Variants in LMBR1L observed in about 807,000 individuals in gnomAD.
LMBR1L encodes limb development membrane protein 1 like, also known as protein LMBR1L.
LMBR1L carries 47 observed loss-of-function variants against 67.3 expected under a neutral mutation model. The observed-to-expected ratio is 0.70, with a 90% CI of 0.55 to 0.89. The LOEUF (loss-of-function observed/expected upper bound fraction) is 0.89. Ranked by LOEUF, LMBR1L falls within the 40% of genes least tolerant of loss-of-function variation. LMBR1L has a pLI of 0.00. For missense variants in LMBR1L, 533 were observed against 599.2 expected (o/e 0.89, Z 1.15); for synonymous variants, 247 against 250.3 (o/e 0.99, Z 0.13).
intron 2 of LMBR1L, chr12:49,106,706 G>GTCTACCTACTCCATTGT: frequency 9.6e-7 from 1 of 1,043,324 alleles, no homozygotes; most frequent in Non-Finnish European, 1.4e-6. Flanking sequence ...TCCACACAAT[G>GTCTACCTACTCCATTGT]GAGTAGGTAG....
chr12:49,109,494 G>GGCT lies in LMBR1L; in HGVS notation c.72+987_72+989dup, dbSNP rs3837451. Among the ~76,000 whole-genome samples the GGCT allele has an allele frequency of 1.0e-3, 156 of 152,262 alleles. No homozygotes were observed. In the East Asian group the frequency reaches 0.028, roughly 28 times the overall value. On this transcript the variant is annotated intron_variant, in intron 1 of 16. Coordinates refer to ENST00000267102, the MANE Select transcript of LMBR1L (RefSeq NM_018113.4). ...CCCCTCCTCCAATCAGGCTGCCCAG[G>GGCT]GCTGGCTAGAGCCCAGCCTGAGAAA...
intron 2 of LMBR1L, chr12:49,106,510 C>T (rs1425540281): frequency 5.1e-6 from 6 of 1,176,352 alleles, no homozygotes; most frequent in African/African-American, 1.6e-5. Flanking sequence ...TCTGAGCATA[C>T]TCAGGCTCCC....
In LMBR1L at chr12:49,102,890, G is replaced by A; in HGVS notation, c.693C>T (p.Pro231=). 1 of 1,614,058 alleles carries A rather than the reference G, an allele frequency of 6.2e-7. No homozygotes were observed. The highest frequency in any genetic ancestry group is 8.5e-7 in the Non-Finnish European group (1 of 1,179,934). The change falls in exon 8 of 17, where the codon CCC becomes CCT. Residue 231 remains proline, a synonymous_variant. Transcript: ENST00000267102. The part of the protein sequence containing the change: ...FSVTGKLLVK[P]RLLEDLEEQL... ...AAGAGCAAGGAATACCACATACCCG[G>A]GGCTTGACTAGCAGCTTCCCAGTGA... is the stretch of plus-strand genomic sequence containing the variant.
In LMBR1L at chr12:49,105,923, C is replaced by G; in HGVS notation, c.191+1G>C. On this transcript the variant is annotated splice_donor_variant, in intron 3 of 16. Transcript: ENST00000267102. LOFTEE classifies it high-confidence loss of function. ...TTAGGTGCTGAGGCAGGGACACTTA[C>G]GCAATCTTGTTGACGGTGGCATCTT... 1.2e-6 allele frequency: 2 copies of G among 1,612,454 alleles called. No homozygotes were observed. Among genetic ancestry groups the G allele is most frequent in the Non-Finnish European group, 1.7e-6 (2 of 1,179,324 alleles).
At chr12:49,106,011 T>G in intron 2 of LMBR1L, 54 bp from the exon 3 acceptor site, 1 of 1,509,734 alleles carries the variant, frequency 6.6e-7, no homozygotes, top group Non-Finnish European at 9.2e-7. Context: ...GGGGCAGCTC[T>G]GAGGCCGTTA....
intron 2 of LMBR1L, 71 bp from the exon 3 acceptor site, chr12:49,106,028 C>T: frequency 1.5e-6 from 2 of 1,325,044 alleles, no homozygotes; most frequent in South Asian, 2.5e-5. Flanking sequence ...GTTAGTATTA[C>T]AATGTGCTCC....
At position 49,110,652 on chromosome 12, in the gene LMBR1L, G is replaced by A. The variant is rs566240015; in HGVS notation, c.-97C>T. 1.5e-3 allele frequency: 1,568 copies of A among 1,051,624 alleles called. 6 individuals carry two copies. Among genetic ancestry groups the A allele is most frequent in the South Asian group, 5.7e-3 (449 of 78,782 alleles). 65.1% of individuals were successfully genotyped at this position (1,051,624 alleles called of 1,614,324 possible). A position where few individuals can be genotyped will look rare whatever the true frequency, so the allele number is the denominator to read the frequency against. ...CGCCAAGCACCCAGACCCAGCCTAGGGGCCTTTCCTCGCAGCCTGCGACAG... is the reference window on the plus strand; with the variant it reads ...CGCCAAGCACCCAGACCCAGCCTAGAGGCCTTTCCTCGCAGCCTGCGACAG... On this transcript the variant is annotated 5_prime_UTR_variant, in exon 1 of 17. Transcript: ENST00000267102.
chr12:49,103,112 G>A lies in LMBR1L; in HGVS notation c.610C>T (p.Leu204Phe). The change falls in exon 7 of 17, where the codon CTT becomes TTT. Residue 204 changes from leucine (L) to phenylalanine (F), a missense_variant. Leu to Phe is a conservative substitution (Grantham distance 22). Coordinates refer to ENST00000267102, the MANE Select transcript of LMBR1L (RefSeq NM_018113.4). ...TCACCCAGGAGCAGCAGAACCCCAA[G>A]GAAGGAGATGCATGAGTAGAGGTAG... ...LPYLYSCISF[L>F]GVLLLLVCTP... The A allele has an allele frequency of 6.2e-7, 1 of 1,614,040 alleles. No individual in the cohort carries two copies. The highest frequency in any genetic ancestry group is 8.5e-7 in the Non-Finnish European group (1 of 1,179,962).
intron 13 of LMBR1L, chr12:49,100,962 C>G: frequency 1.7e-6 from 1 of 576,222 alleles, no homozygotes. Context: ...ATCCTAAACT[C>G]AAGCAATCTA....
rs369200808 is a variant in LMBR1L, at chr12:49,102,102, T to C, written c.930+18A>G. ...GTACTGAGGGTCCACTCCTCACCTCTAGGGCTGGTATACCTACCGTCAGCA... is the reference window on the plus strand; with the variant it reads ...GTACTGAGGGTCCACTCCTCACCTCCAGGGCTGGTATACCTACCGTCAGCA... On this transcript the variant is annotated intron_variant, in intron 11 of 16. Transcript: ENST00000267102. 2.0e-5 allele frequency: 33 copies of C among 1,612,384 alleles called. No homozygotes were observed. Among genetic ancestry groups the C allele is most frequent in the Non-Finnish European group, 2.5e-5 (29 of 1,178,582 alleles).
intron 10 of LMBR1L, 40 bp from the exon 11 acceptor site, chr12:49,102,236 C>G (rs756863745): frequency 6.2e-7 from 1 of 1,613,774 alleles, no homozygotes; most frequent in South Asian, 1.1e-5. Context: ...CACCTGGAAC[C>G]AGGGGCTACT....
rs939829648 is a variant in LMBR1L, at chr12:49,101,547, G to A, written c.933C>T (p.Gly311=). 5 of 1,612,138 alleles carry A rather than the reference G, an allele frequency of 3.1e-6. No homozygotes were observed. Among genetic ancestry groups the A allele is most frequent in the Non-Finnish European group, 4.2e-6 (5 of 1,178,910 alleles). ...GGATGGCCACAATGAGCACAGACAG[G>A]CCCTGTGTGAGGCAAGGTCAGACTC... ...LAMLCLLVLT[G]LSVLIVAIHI... The change falls in exon 12 of 17, where the codon GGC becomes GGT. Residue 311 remains glycine (G), a splice_region_variant and synonymous_variant. Coordinates refer to ENST00000267102, the MANE Select transcript of LMBR1L (RefSeq NM_018113.4).
In LMBR1L at chr12:49,097,734, C is replaced by T. The variant is rs779213151; in HGVS notation, c.1408G>A (p.Asp470Asn). Residue 470 changes from aspartate to asparagine, a missense_variant, in exon 17 of 17, where the codon GAC becomes AAC. Physicochemically the swap from Asp to Asn is conservative, Grantham distance 23 (BLOSUM62 1). Around this residue, in one of 3 missense-constraint regions of LMBR1L, gnomAD observed 223 missense variants for 241.2 expected, o/e 0.92. Transcript: ENST00000267102. ...CCGGAGACGGGCAGCGGCAGTCTGT[C>T]CAGCCCTGGAGAAGAGGAGATGGGC... ...RAELIRAFGLDRLPLPVSGFP... is the reference protein window; with the variant it reads ...RAELIRAFGLNRLPLPVSGFP... 3.7e-6 allele frequency: 6 copies of T among 1,613,998 alleles called. No individual in the cohort carries two copies. Among genetic ancestry groups the T allele is most frequent in the Non-Finnish European group, 5.1e-6 (6 of 1,179,958 alleles).
In LMBR1L at chr12:49,103,638, A is replaced by G. The variant is rs752789689; in HGVS notation, c.562+49T>C. ...TTACAGTCATTCCAGGCAGGGGGAC[A>G]TGGGCCAACTGAAAAGCCATGCAGC... On this transcript the variant is annotated intron_variant, in intron 6 of 16. Coordinates refer to ENST00000267102, the MANE Select transcript of LMBR1L (RefSeq NM_018113.4). The G allele has an allele frequency of 6.4e-6, 10 of 1,572,644 alleles. No homozygotes were observed. In the Middle Eastern group the frequency reaches 7.2e-4, roughly 113 times the overall value.
In LMBR1L at chr12:49,102,368, A is replaced by T. The variant is rs1481221172; in HGVS notation, c.778T>A (p.Ser260Thr). ...ALTRRICNPT[S>T]CWLPLDMELL... is the part of the protein sequence containing the mutation. ...TCCATGTCTAAAGGCAGCCAGCAGG[A>T]AGTAGGATCTGAGGGCAGAGAAGAT... Residue 260 changes from serine to threonine, a missense_variant, in exon 10 of 17, where the codon TCC (serine) becomes ACC (threonine). Physicochemically the swap from Ser to Thr is moderately conservative, Grantham distance 58. Around this residue, in one of 3 missense-constraint regions of LMBR1L, gnomAD observed 64 missense variants for 109.0 expected, o/e 0.59. Transcript: ENST00000267102. The T allele has an allele frequency of 1.9e-6, 3 of 1,614,096 alleles. No homozygotes were observed. The highest frequency in any genetic ancestry group is 2.5e-6 in the Non-Finnish European group (3 of 1,180,034).
At chr12:49,107,115 C>G (rs1292843555) in intron 1 of LMBR1L, 70 bp from the exon 2 acceptor site, 8 of 999,152 alleles carry the variant, frequency 8.0e-6, no homozygotes, top group Non-Finnish European at 1.3e-5. Context: ...AAGGGCCTCT[C>G]TGTTAATTCC....
At chr12:49,107,202 A>G in intron 1 of LMBR1L, 157 bp from the exon 2 acceptor site, 2 of 591,274 alleles carry the variant, frequency 3.4e-6, no homozygotes, top group Non-Finnish European at 5.9e-6. Flanking sequence ...CTGATCCCCC[A>G]GGTACTTCCT....
chr12:49,105,980 G>T, intron 2 of LMBR1L, 23 bp from the exon 3 acceptor site: 1 of 1,610,990 alleles, frequency 6.2e-7, no homozygotes. Context: ...GAGGCACGGG[G>T]AACAGGCAGG....
intron 15 of LMBR1L, among the ~76,000 whole-genome samples, 155 bp from the exon 16 acceptor site, chr12:49,098,260 T>C (rs756788843): frequency 2.0e-5 from 3 of 152,196 alleles, no homozygotes; most frequent in Non-Finnish European, 4.4e-5. Flanking sequence ...CAAGAGCAGT[T>C]CGGGACTGTT....
Sources: gnomAD v4.1 joint callset for allele counts (sites outside exome capture counted in the v4.1 genomes callset) on GRCh38, gnomAD v4.1.1 for gene constraint, gnomAD v4.1.1 regional missense constraint, MANE v1.5 for transcripts, NCBI Gene and HGNC (gene_info 2026-07-23, HGNC 2026-07-21) for gene names.